Variants in ZNF236 observed in about 807,000 individuals in gnomAD.
ZNF236 encodes the protein regulated by glucose.
In ZNF236, 50 loss-of-function variants were observed where a neutral mutation model predicts 191.2. The ratio of observed to expected loss-of-function variants is 0.26; its 90% CI spans 0.21 to 0.33. The LOEUF (loss-of-function observed/expected upper bound fraction) is 0.33. Among genes scored for constraint, ZNF236 ranks in the 10% least tolerant of loss-of-function variants. The pLI is 1.00. For missense variants in ZNF236, 1,754 were observed against 2,374.5 expected (o/e 0.74, Z 5.43); for synonymous variants, 907 against 928.8 (o/e 0.98, Z 0.43).
At chr18:76,926,757 A>T in intron 22 of ZNF236, among the ~76,000 whole-genome samples, 1 of 151,946 alleles carries the variant, frequency 6.6e-6, no homozygotes, top group African/African-American at 2.4e-5. Context: ...AAGGGTGATT[A>T]GACAGTGTGT....
intron 10 of ZNF236, among the ~76,000 whole-genome samples, chr18:76,897,469 G>A (rs550967047): frequency 5.9e-5 from 9 of 151,788 alleles, no homozygotes; most frequent in South Asian, 2.1e-4. Context: ...ACTGCATACC[G>A]TACCACACAT....
rs760274534 is a variant in ZNF236, at chr18:76,881,486, TAAA to T, written c.1392_1394del (p.Ile464_Lys465delinsMet). 67 of 1,612,532 alleles carry T rather than the reference TAAA, an allele frequency of 4.2e-5. No homozygotes were observed. Among genetic ancestry groups the T allele is most frequent in the Non-Finnish European group, 5.3e-5 (62 of 1,179,722 alleles). On this transcript the variant is annotated inframe_deletion, in exon 9 of 31. Coordinates refer to ENST00000320610, the MANE Select transcript of ZNF236 (RefSeq NM_001306089.2). ...CTGGATAAAAAAGAAAAAAAAATGA[TAAA>T]GAAGAAGTCACCGTTTCTACCTGGT...
intron 9 of ZNF236, 65 bp from the exon 10 acceptor site, chr18:76,894,948 G>A: frequency 6.4e-7 from 1 of 1,574,690 alleles, no homozygotes; most frequent in East Asian, 2.2e-5. Flanking sequence ...GGACCACAGG[G>A]GGTCCTGGAC....
At chr18:76,887,875 T>A (rs1977104363) in intron 9 of ZNF236, 1 of 152,080 alleles carries the variant, frequency 6.6e-6, no homozygotes, top group African/African-American at 2.4e-5. Flanking sequence ...AAGGTGAGAT[T>A]TGGGTGGGGA....
chr18:76,902,678 TCTC>T (rs1490164291), intron 11 of ZNF236, among the ~76,000 whole-genome samples: 1 of 152,166 alleles, frequency 6.6e-6, no homozygotes, highest in Non-Finnish European at 1.5e-5. Flanking sequence ...TTCAAGCGAT[TCTC>T]CTGCCTCAGC....
At chr18:76,957,160 G>A (rs1968543988) in intron 28 of ZNF236, among the ~76,000 whole-genome samples, 1 of 152,172 alleles carries the variant, frequency 6.6e-6, no homozygotes, top group Admixed American at 6.5e-5. Flanking sequence ...GGGGGGTGGG[G>A]ATTGTTTTTG....
At chr18:76,882,548 C>T (rs987546048) in intron 9 of ZNF236, among the ~76,000 whole-genome samples, 3 of 152,208 alleles carry the variant, frequency 2.0e-5, no homozygotes, top group Non-Finnish European at 4.4e-5. Context: ...CAAAACTGTT[C>T]TGTGAAAACC....
At chr18:76,864,566 AAC>A (rs1261066280) in intron 3 of ZNF236, among the ~76,000 whole-genome samples, 1 of 151,900 alleles carries the variant, frequency 6.6e-6, no homozygotes, top group Non-Finnish European at 1.5e-5. Flanking sequence ...GGAAAACCCT[AAC>A]ACAAAAAGAA....
chr18:76,903,128 A>G (rs56023963), intron 11 of ZNF236, among the ~76,000 whole-genome samples: 5,108 of 152,334 alleles, frequency 0.034, 129 homozygotes, highest in Middle Eastern at 0.099. Context: ...AGCTTCAGGA[A>G]GCATAGGTGA....
chr18:76,926,957 C>A, intron 22 of ZNF236, 80 bp from the exon 23 acceptor site: 1 of 1,494,216 alleles, frequency 6.7e-7, no homozygotes, highest in South Asian at 1.3e-5. Flanking sequence ...ATTTAAAAAT[C>A]CCTATGTAAA....
intron 1 of ZNF236, among the ~76,000 whole-genome samples, chr18:76,830,332 A>G (rs1251533936): frequency 6.6e-6 from 1 of 152,190 alleles, no homozygotes; most frequent in Non-Finnish European, 1.5e-5. Flanking sequence ...TGAACCTACC[A>G]TAAATTACTC....
chr18:76,877,911 T>C (rs1976760679), intron 6 of ZNF236, 98 bp from the exon 7 acceptor site: 1 of 991,722 alleles, frequency 1.0e-6, no homozygotes, highest in African/African-American at 1.6e-5. Context: ...ATTTCTGTCA[T>C]TTTGAATGGA....
chr18:76,894,280 G>C (rs1176556415), intron 9 of ZNF236, among the ~76,000 whole-genome samples: 1 of 152,200 alleles, frequency 6.6e-6, no homozygotes, highest in African/African-American at 2.4e-5. Context: ...CATCCTGAGA[G>C]GGGTGAGGGA....
chr18:76,871,298 A>G (rs1370114020), intron 4 of ZNF236, among the ~76,000 whole-genome samples: 1 of 152,150 alleles, frequency 6.6e-6, no homozygotes, highest in Non-Finnish European at 1.5e-5. Flanking sequence ...TGCTGGAGGT[A>G]GGAGTTTGGA....
chr18:76,842,755 A>C (rs1975550411), intron 1 of ZNF236, among the ~76,000 whole-genome samples: 1 of 152,094 alleles, frequency 6.6e-6, no homozygotes, highest in African/African-American at 2.4e-5. Context: ...CTGTCTCAAA[A>C]AAAAAAAAAA....
intron 9 of ZNF236, 94 bp from the exon 10 acceptor site, chr18:76,894,919 T>C (rs1977355535): frequency 2.0e-6 from 3 of 1,507,500 alleles, no homozygotes; most frequent in East Asian, 4.5e-5. Flanking sequence ...TAACTGATCA[T>C]GCGTGCAGCT....
intron 3 of ZNF236, among the ~76,000 whole-genome samples, chr18:76,855,140 T>A (rs1410141958): frequency 6.6e-6 from 1 of 152,196 alleles, no homozygotes; most frequent in East Asian, 1.9e-4. Context: ...GCCAGGCTAG[T>A]CTTGAACTCC....
At position 76,827,461 on chromosome 18, in the gene ZNF236, A is replaced by G. The variant is rs573739278; in HGVS notation, c.55+4799A>G. Among the ~76,000 whole-genome samples, 48 of 152,342 alleles carry G rather than the reference A, an allele frequency of 3.2e-4. No individual in the cohort carries two copies. In the South Asian group the frequency reaches 9.1e-3, roughly 29 times the overall value. On this transcript the variant is annotated intron_variant, in intron 1 of 30. Transcript: ENST00000320610. ...TGGCCTCCCAAAGTGCTGAGATTAC[A>G]GGTATGAGCCACCGTGCCTGGCTGA...
intron 13 of ZNF236, among the ~76,000 whole-genome samples, chr18:76,907,381 T>C (rs1294948041): frequency 6.6e-6 from 1 of 152,222 alleles, no homozygotes; most frequent in Non-Finnish European, 1.5e-5. Flanking sequence ...TGAGACGGAG[T>C]CTCGCTCTGT....
Sources: allele counts gnomAD v4.1 joint callset (sites outside exome capture counted in the v4.1 genomes callset), GRCh38; gene constraint gnomAD v4.1.1; transcripts MANE v1.5; gene names NCBI Gene and HGNC (gene_info 2026-07-23, HGNC 2026-07-21).